Variants in GBE1 observed in about 807,000 individuals in gnomAD.
GBE1 encodes 1,4-alpha-glucan-branching enzyme.
Under a neutral mutation model 88.8 loss-of-function variants are expected in GBE1, and 70 were observed. The ratio of observed to expected loss-of-function variants is 0.79; its 90% confidence interval spans 0.65 to 0.96. The LOEUF (loss-of-function observed/expected upper bound fraction) is 0.96, where lower values mean the gene tolerates loss of function less well. Among genes scored for constraint, GBE1 ranks in the 40% least tolerant of loss-of-function variants. GBE1 has a pLI of 0.00. For missense variants in GBE1, 872 were observed against 871.0 expected (o/e 1.00, Z -0.01); for synonymous variants, 284 against 300.1 (o/e 0.95, Z 0.56).
intron 7 of GBE1, among the ~76,000 whole-genome samples, chr3:81,640,411 A>T (rs1167276864): frequency 6.6e-6 from 1 of 151,942 alleles, no homozygotes; most frequent in East Asian, 1.9e-4. Context: ...CTCGAATATC[A>T]AATTCCAAGT....
At chr3:81,577,762 G>T (rs1370689487) in intron 12 of GBE1, among the ~76,000 whole-genome samples, 163 bp downstream of exon 12, 1 of 151,958 alleles carries the variant, frequency 6.6e-6, no homozygotes, top group East Asian at 1.9e-4. Flanking sequence ...ACCTTACAGT[G>T]ATTTAATTTT....
At chr3:81,594,760 A>G (rs1184422803) in intron 7 of GBE1, among the ~76,000 whole-genome samples, 1 of 152,060 alleles carries the variant, frequency 6.6e-6, no homozygotes, top group Non-Finnish European at 1.5e-5. Flanking sequence ...GTGTAACTCA[A>G]TTAAAAACAC....
At chr3:81,550,763 G>A (rs532373174) in intron 12 of GBE1, among the ~76,000 whole-genome samples, 238 of 152,248 alleles carry the variant, frequency 1.6e-3, no homozygotes, top group African/African-American at 5.4e-3. Context: ...CCATGGCAAC[G>A]TCAGGAAGTT....
chr3:81,578,181 A>C (rs1703674919), intron 11 of GBE1, 85 bp from the exon 12 acceptor site: 2 of 922,694 alleles, frequency 2.2e-6, no homozygotes, highest in Admixed American at 6.2e-5. Flanking sequence ...CATGGTTACA[A>C]ATGTTAGGAA....
At chr3:81,594,944 C>A (rs189623020) in intron 7 of GBE1, among the ~76,000 whole-genome samples, 1 of 151,730 alleles carries the variant, frequency 6.6e-6, no homozygotes, top group East Asian at 1.9e-4. Context: ...CAAATCTTTA[C>A]CCCAGTCGAA....
intron 14 of GBE1, among the ~76,000 whole-genome samples, chr3:81,512,820 T>C (rs1702742998): frequency 6.6e-6 from 1 of 151,814 alleles, no homozygotes; most frequent in Admixed American, 6.6e-5. Context: ...ATATTGTAAA[T>C]TGCCATGCAA....
chr3:81,683,761 C>T (rs1005965318), intron 2 of GBE1, among the ~76,000 whole-genome samples: 2 of 152,024 alleles, frequency 1.3e-5, no homozygotes, highest in Non-Finnish European at 2.9e-5. Flanking sequence ...TAACCAATGC[C>T]CTATGTTATT....
chr3:81,506,197 C>T lies in GBE1; in HGVS notation c.1935-6970G>A, dbSNP rs531658908. Among the ~76,000 whole-genome samples the T allele has an allele frequency of 2.0e-5, 3 of 152,066 alleles. No individual in the cohort carries two copies. The South Asian group carries it at 6.2e-4, about 32-fold the overall frequency. On this transcript the variant is annotated intron_variant, in intron 14 of 15. Transcript: ENST00000429644. ...TCTAATATTCAGCATCTATAAGGAA[C>T]TCAAATTTACAAGGAAAAAAACAAA...
chr3:81,492,029 A>G (rs962942184), intron 15 of GBE1, among the ~76,000 whole-genome samples: 6 of 152,216 alleles, frequency 3.9e-5, no homozygotes, highest in Non-Finnish European at 8.8e-5. Flanking sequence ...CTAATCTTCA[A>G]TTCAAAGTAA....
chr3:81,657,348 A>G (rs1315279458), intron 3 of GBE1, among the ~76,000 whole-genome samples: 1 of 151,850 alleles, frequency 6.6e-6, no homozygotes, highest in Non-Finnish European at 1.5e-5. Flanking sequence ...TTAAACAGAG[A>G]TGAAACTATT....
intron 14 of GBE1, among the ~76,000 whole-genome samples, chr3:81,526,608 C>T (rs1702947655): frequency 6.6e-6 from 1 of 152,088 alleles, no homozygotes; most frequent in Non-Finnish European, 1.5e-5. Context: ...CATGAGTGAA[C>T]TCCCATTCAC....
chr3:81,646,294 A>C (rs1704761959), intron 6 of GBE1, 98 bp downstream of exon 6: 4 of 785,382 alleles, frequency 5.1e-6, no homozygotes, highest in African/African-American at 3.5e-5. Flanking sequence ...GTTAACCCTA[A>C]AAGGTTACAC....
intron 14 of GBE1, among the ~76,000 whole-genome samples, chr3:81,520,497 T>G (rs1441419302): frequency 6.6e-6 from 1 of 151,538 alleles, no homozygotes; most frequent in Non-Finnish European, 1.5e-5. Flanking sequence ...AGCACTCTGG[T>G]CTTGGGAACA....
In GBE1 at chr3:81,669,639, C is replaced by G. The variant is rs916165590; in HGVS notation, c.429+1199G>C. ...ACAGGAGTAGGAAAAAAAAAACACA[C>G]ACACACACAGCAAAGGCCATGCTCT... On this transcript the variant is annotated intron_variant, in intron 3 of 15. Coordinates refer to ENST00000429644, the MANE Select transcript of GBE1 (RefSeq NM_000158.4). 1.3e-5 allele frequency among the ~76,000 whole-genome samples: 2 copies of G among 151,772 alleles called. 1 individual carries two copies. The highest frequency in any genetic ancestry group is 4.2e-4 in the South Asian group (2 of 4,814).
intron 14 of GBE1, among the ~76,000 whole-genome samples, chr3:81,522,522 G>A (rs1702888656): frequency 6.6e-6 from 1 of 151,290 alleles, no homozygotes; most frequent in African/African-American, 2.4e-5. Context: ...TGTTGGAAAT[G>A]CTCTCCTGCT....
chr3:81,502,880 T>G (rs35902774), intron 14 of GBE1, among the ~76,000 whole-genome samples: 17,546 of 152,224 alleles, frequency 0.12, 1,290 homozygotes, highest in East Asian at 0.19. Context: ...TATACTTATT[T>G]TAAACTACCT....
intron 2 of GBE1, among the ~76,000 whole-genome samples, chr3:81,681,509 A>G (rs1231864389): frequency 6.6e-6 from 1 of 152,222 alleles, no homozygotes; most frequent in African/African-American, 2.4e-5. Context: ...GTTTACAGCA[A>G]TCAAGAAAGC....
intron 14 of GBE1, among the ~76,000 whole-genome samples, chr3:81,501,158 T>G (rs141432823): frequency 6.6e-6 from 1 of 152,252 alleles, no homozygotes; most frequent in East Asian, 1.9e-4. Flanking sequence ...TTAATGTGCC[T>G]TTTACACAAC....
At chr3:81,753,495 A>G (rs1706560246) in intron 1 of GBE1, among the ~76,000 whole-genome samples, 2 of 152,240 alleles carry the variant, frequency 1.3e-5, no homozygotes, top group Non-Finnish European at 2.9e-5. Context: ...CTAAAACTAT[A>G]GCATATTTCA....
Sources: allele counts gnomAD v4.1 joint callset (sites outside exome capture counted in the v4.1 genomes callset), GRCh38; gene constraint gnomAD v4.1.1; transcripts MANE v1.5; gene names NCBI Gene and HGNC (gene_info 2026-07-23, HGNC 2026-07-21).